CNTNAP5: variants seen among roughly 807,000 people sequenced by gnomAD.
CNTNAP5 encodes contactin-associated protein-like 5.
A neutral mutation model predicts 150.2 loss-of-function variants in CNTNAP5; 72 were observed. The observed-to-expected ratio is 0.48, with a 90% confidence interval of 0.40 to 0.58. The LOEUF is 0.58. CNTNAP5 is among the 20% of genes least tolerant of loss of function. The pLI, the probability that CNTNAP5 is intolerant of heterozygous loss-of-function variation, is 0.00. For missense variants in CNTNAP5, 1,636 were observed against 1,626.2 expected, an observed-to-expected ratio of 1.01 and a Z score of -0.10; for synonymous variants, 672 against 619.8, an observed-to-expected ratio of 1.08 and a Z score of -1.25.
intron 10 of CNTNAP5, among the ~76,000 whole-genome samples, chr2:124,534,236 C>T (rs1027758701): frequency 2.0e-5 from 3 of 151,920 alleles, no homozygotes; most frequent in Non-Finnish European, 4.4e-5. Context: ...CTGATCCAAA[C>T]CTCCAGAGAG....
At chr2:124,660,943 C>CAAAA (rs34511096) in intron 13 of CNTNAP5, among the ~76,000 whole-genome samples, 1 of 104,166 alleles carries the variant, frequency 9.6e-6, no homozygotes, top group African/African-American at 3.6e-5. Flanking sequence ...GACTGGGTCT[C>CAAAA]AAAAAAAAAA....
At chr2:124,788,424 A>G (rs562013215) in intron 17 of CNTNAP5, among the ~76,000 whole-genome samples, 1 of 152,312 alleles carries the variant, frequency 6.6e-6, no homozygotes, top group East Asian at 1.9e-4. Context: ...CTTCTAAATC[A>G]TAATGTAATA....
At chr2:124,616,409 C>G (rs1461434205) in intron 12 of CNTNAP5, among the ~76,000 whole-genome samples, 1 of 152,174 alleles carries the variant, frequency 6.6e-6, no homozygotes. Context: ...CCTCACCTCT[C>G]TCAGCCTTTA....
At chr2:124,692,006 C>G (rs1055632600) in intron 13 of CNTNAP5, among the ~76,000 whole-genome samples, 1 of 152,014 alleles carries the variant, frequency 6.6e-6, no homozygotes, top group African/African-American at 2.4e-5. Flanking sequence ...TACTTTTGTG[C>G]TCTTGGTATC....
intron 3 of CNTNAP5, among the ~76,000 whole-genome samples, chr2:124,413,335 G>T (rs1426836553): frequency 6.6e-6 from 1 of 151,260 alleles, no homozygotes; most frequent in Non-Finnish European, 1.5e-5. Flanking sequence ...ATTCCTCAGG[G>T]ATCTAGAACT....
intron 14 of CNTNAP5, among the ~76,000 whole-genome samples, chr2:124,759,076 G>A (rs1242797507): frequency 1.3e-5 from 2 of 151,998 alleles, no homozygotes; most frequent in African/African-American, 2.4e-5. Flanking sequence ...AATTAGAATA[G>A]AGAGGGAAAA....
intron 3 of CNTNAP5, among the ~76,000 whole-genome samples, chr2:124,248,215 G>A (rs1176901312): frequency 1.3e-5 from 2 of 152,130 alleles, no homozygotes; most frequent in East Asian, 3.9e-4. Context: ...CTCTATAGCA[G>A]GTCTTTCTCC....
chr2:124,653,922 C>CCCCG (rs1366904163), intron 13 of CNTNAP5, among the ~76,000 whole-genome samples: 1 of 141,026 alleles, frequency 7.1e-6, no homozygotes, highest in Non-Finnish European at 1.6e-5. Context: ...CCCCCCCCCC[C>CCCCG]CGCCACACAC....
intron 10 of CNTNAP5, among the ~76,000 whole-genome samples, chr2:124,555,971 G>T (rs1175348593): frequency 1.3e-5 from 2 of 152,008 alleles, no homozygotes; most frequent in Non-Finnish European, 1.5e-5. Context: ...GTCATATTAA[G>T]ATTCCTTTTC....
chr2:124,400,233 G>T (rs1691370848), intron 3 of CNTNAP5, among the ~76,000 whole-genome samples: 2 of 151,982 alleles, frequency 1.3e-5, no homozygotes, highest in Non-Finnish European at 2.9e-5. Context: ...GAAGCTTAGA[G>T]TGTCATCGCA....
intron 7 of CNTNAP5, among the ~76,000 whole-genome samples, chr2:124,488,059 T>A (rs2104846654): frequency 6.6e-6 from 1 of 152,258 alleles, no homozygotes; most frequent in Admixed American, 6.5e-5. Flanking sequence ...ATCTTGTAAA[T>A]CACATTGCAT....
chr2:124,619,002 G>A (rs761313144), intron 12 of CNTNAP5, among the ~76,000 whole-genome samples: 2 of 152,088 alleles, frequency 1.3e-5, no homozygotes, highest in Non-Finnish European at 2.9e-5. Flanking sequence ...TTTAATACAG[G>A]TACTCAATTT....
intron 3 of CNTNAP5, among the ~76,000 whole-genome samples, chr2:124,307,055 C>T (rs369124277): frequency 3.3e-4 from 50 of 152,076 alleles, no homozygotes; most frequent in South Asian, 3.1e-3. Context: ...CTCTTTCTCC[C>T]GTGGAGGCAG....
chr2:124,349,248 A>T (rs937466022), intron 3 of CNTNAP5, among the ~76,000 whole-genome samples: 3 of 152,214 alleles, frequency 2.0e-5, no homozygotes, highest in African/African-American at 7.2e-5. Flanking sequence ...TTGTTCCTAG[A>T]CTATACACCT....
At position 124,772,996 on chromosome 2, in the gene CNTNAP5, C is replaced by T. The variant is rs761438493; in HGVS notation, c.2731C>T (p.Leu911=). The stretch of plus-strand genomic sequence containing the variant: ...GGAGGAGGGCCATTTTCGACTGCAG[C>T]TGAACAGCCAGTTGTTTGTAGGTAG... ...TSEEGHFRLQ[L]NSQLFVGGTS... Residue 911 remains leucine (L), a synonymous_variant, in exon 17 of 24, where the codon CTG becomes TTG. Coordinates refer to ENST00000682447, the MANE Select transcript of CNTNAP5 (RefSeq NM_001367498.1). The T allele has an allele frequency of 2.1e-5, 34 of 1,612,964 alleles. No individual in the cohort carries two copies. In the East Asian group the frequency reaches 7.4e-4, roughly 35 times the overall value.
chr2:124,845,445 T>TTA (rs992501856), intron 19 of CNTNAP5, among the ~76,000 whole-genome samples: 13 of 151,870 alleles, frequency 8.6e-5, no homozygotes, highest in African/African-American at 2.7e-4. Flanking sequence ...AGTATTTTTT[T>TTA]TTTTTTTTGC....
chr2:124,026,420 G>A (rs1214771652), intron 1 of CNTNAP5, among the ~76,000 whole-genome samples: 2 of 152,180 alleles, frequency 1.3e-5, no homozygotes, highest in African/African-American at 4.8e-5. Flanking sequence ...ACACTCTGTC[G>A]TCCAAGCTCT....
At chr2:124,655,373 T>C (rs1330101954) in intron 13 of CNTNAP5, among the ~76,000 whole-genome samples, 1 of 152,138 alleles carries the variant, frequency 6.6e-6, no homozygotes, top group South Asian at 2.1e-4. Flanking sequence ...ATGTGCCACA[T>C]TTTCTTAATC....
At chr2:124,373,836 T>C (rs1371095212) in intron 3 of CNTNAP5, among the ~76,000 whole-genome samples, 1 of 152,056 alleles carries the variant, frequency 6.6e-6, no homozygotes, top group Non-Finnish European at 1.5e-5. Context: ...TGATAACAAA[T>C]ACTTAGTTAA....
Sources: gnomAD v4.1 joint callset for allele counts (sites outside exome capture counted in the v4.1 genomes callset) on GRCh38, gnomAD v4.1.1 for gene constraint, MANE v1.5 for transcripts, NCBI Gene and HGNC (gene_info 2026-07-23, HGNC 2026-07-21) for gene names.